Variants in UNC5D observed in about 807,000 individuals in gnomAD.
UNC5D encodes netrin receptor UNC5D.
A neutral mutation model predicts 105.4 loss-of-function variants in UNC5D; 39 were observed. The observed-to-expected ratio is 0.37, with a 90% CI of 0.29 to 0.48. The LOEUF is 0.48. Among genes scored for constraint, UNC5D ranks in the 20% least tolerant of loss-of-function variants. The pLI is 0.98. For missense variants in UNC5D, 991 were observed against 1,202.4 expected (o/e 0.82, Z 2.60); for synonymous variants, 452 against 450.4 (o/e 1.00, Z -0.04).
intron 1 of UNC5D, among the ~76,000 whole-genome samples, chr8:35,253,473 C>CTTTTTTTTTTTTTTT (rs58063448): frequency 8.0e-5 from 8 of 99,822 alleles, no homozygotes; most frequent in African/African-American, 1.9e-4. Context: ...ATTTTATTTC[C>CTTTTTTTTTTTTTTT]TTTTTTTTTT....
intron 1 of UNC5D, among the ~76,000 whole-genome samples, chr8:35,291,951 G>GA (rs1789986003): frequency 6.6e-6 from 1 of 152,146 alleles, no homozygotes. Flanking sequence ...TACAGCCATG[G>GA]AAAAAATATT....
chr8:35,636,034 TAGA>T (rs1399207271), intron 4 of UNC5D, among the ~76,000 whole-genome samples: 2 of 152,146 alleles, frequency 1.3e-5, no homozygotes, highest in African/African-American at 4.8e-5. Flanking sequence ...AGAGGTGGTA[TAGA>T]AGGAGGGCCA....
intron 1 of UNC5D, among the ~76,000 whole-genome samples, chr8:35,300,419 C>T (rs1807851073): frequency 8.6e-6 from 1 of 116,556 alleles, no homozygotes; most frequent in Admixed American, 1.2e-4. Flanking sequence ...TGCACTCCAG[C>T]CTGGGCAACA....
chr8:35,790,207 T>G, intron 16 of UNC5D, 152 bp from the exon 17 acceptor site: 1 of 745,042 alleles, frequency 1.3e-6, no homozygotes, highest in South Asian at 1.8e-5. Context: ...GGATACAAAT[T>G]AGACTGCCCC....
intron 1 of UNC5D, among the ~76,000 whole-genome samples, chr8:35,523,224 A>C (rs1212735879): frequency 6.6e-6 from 1 of 151,872 alleles, no homozygotes; most frequent in Admixed American, 6.6e-5. Flanking sequence ...CTAGAACTAC[A>C]GGCACACACC....
At chr8:35,340,091 A>G (rs541809199) in intron 1 of UNC5D, among the ~76,000 whole-genome samples, 2 of 152,284 alleles carry the variant, frequency 1.3e-5, no homozygotes, top group East Asian at 3.9e-4. Flanking sequence ...GGAATGGGTA[A>G]AGGCCTCTTA....
At chr8:35,376,359 T>C (rs943562503) in intron 1 of UNC5D, among the ~76,000 whole-genome samples, 1 of 152,140 alleles carries the variant, frequency 6.6e-6, no homozygotes, top group African/African-American at 2.4e-5. Context: ...TTTTACAGAA[T>C]GATGTATTTG....
intron 1 of UNC5D, among the ~76,000 whole-genome samples, chr8:35,428,348 T>TA (rs1806387260): frequency 7.1e-6 from 1 of 140,140 alleles, no homozygotes. Flanking sequence ...GCCTGGCTAT[T>TA]TTTTTTTTTT....
intron 1 of UNC5D, among the ~76,000 whole-genome samples, chr8:35,536,794 G>A (rs573521809): frequency 6.6e-6 from 1 of 152,190 alleles, no homozygotes; most frequent in Admixed American, 6.5e-5. Flanking sequence ...TCAGGAGTTT[G>A]AGACCAGCCT....
intron 1 of UNC5D, among the ~76,000 whole-genome samples, chr8:35,352,770 G>T (rs577431393): frequency 6.6e-6 from 1 of 151,894 alleles, no homozygotes; most frequent in Non-Finnish European, 1.5e-5. Flanking sequence ...ATGCCACCAC[G>T]CCTGGCTAAT....
intron 1 of UNC5D, among the ~76,000 whole-genome samples, chr8:35,448,107 A>AT (rs374500887): frequency 2.0e-5 from 3 of 152,140 alleles, no homozygotes; most frequent in South Asian, 2.1e-4. Context: ...TGAAATTAAT[A>AT]TTTTTAAATG....
At chr8:35,288,955 AAAAC>A (rs2128859034) in intron 1 of UNC5D, among the ~76,000 whole-genome samples, 1 of 152,312 alleles carries the variant, frequency 6.6e-6, no homozygotes, top group South Asian at 2.1e-4. Context: ...AGGGACCTAA[AAAAC>A]AATCAGGAAA....
At chr8:35,284,343 A>G (rs1237154458) in intron 1 of UNC5D, among the ~76,000 whole-genome samples, 1 of 152,170 alleles carries the variant, frequency 6.6e-6, no homozygotes, top group Non-Finnish European at 1.5e-5. Context: ...GACAGATGTT[A>G]TTTGCACAAG....
intron 11 of UNC5D, among the ~76,000 whole-genome samples, chr8:35,746,268 C>T (rs1290917010): frequency 6.6e-6 from 1 of 152,160 alleles, no homozygotes; most frequent in African/African-American, 2.4e-5. Context: ...TAACACCTGC[C>T]TCTATAGGTG....
chr8:35,305,782 CTCTT>C (rs985722060), intron 1 of UNC5D, among the ~76,000 whole-genome samples: 27 of 145,676 alleles, frequency 1.9e-4, no homozygotes, highest in East Asian at 1.4e-3. Context: ...CACTCTCTGC[CTCTT>C]TCTTTCTTTC....
At chr8:35,454,926 T>G (rs2128993614) in intron 1 of UNC5D, among the ~76,000 whole-genome samples, 1 of 152,296 alleles carries the variant, frequency 6.6e-6, no homozygotes, top group African/African-American at 2.4e-5. Flanking sequence ...TAGAAGTCAT[T>G]TAGAAGTCAA....
At chr8:35,727,415 A>T (rs891706075) in intron 10 of UNC5D, 1 of 152,192 alleles carries the variant, frequency 6.6e-6, no homozygotes, top group Non-Finnish European at 1.5e-5. Context: ...GTCTAGACAG[A>T]TGTCTCTCTA....
intron 4 of UNC5D, among the ~76,000 whole-genome samples, chr8:35,625,522 G>A (rs1490762342): frequency 6.6e-6 from 1 of 152,192 alleles, no homozygotes; most frequent in Non-Finnish European, 1.5e-5. Context: ...ATGGACTAGT[G>A]TATTTATGGT....
chr8:35,316,141 T>TTTATTTAAATTAA (rs1809289655), intron 1 of UNC5D, among the ~76,000 whole-genome samples: 2 of 152,204 alleles, frequency 1.3e-5, no homozygotes, highest in African/African-American at 4.8e-5. Context: ...TAGTGGCAGT[T>TTTATTTAAATTAA]GAATAGCTGT....
Sources: gnomAD v4.1 joint callset for allele counts (sites outside exome capture counted in the v4.1 genomes callset) on GRCh38, gnomAD v4.1.1 for gene constraint, MANE v1.5 for transcripts, NCBI Gene and HGNC (gene_info 2026-07-23, HGNC 2026-07-21) for gene names.